CACNA2D1: variants seen among roughly 807,000 people sequenced by gnomAD.
The protein encoded by CACNA2D1 is voltage-dependent calcium channel subunit alpha-2/delta-1.
CACNA2D1 carries 53 observed loss-of-function variants against 171.5 expected under a neutral mutation model. That is an observed-to-expected ratio of 0.31 (90% CI 0.25 to 0.39). The LOEUF (loss-of-function observed/expected upper bound fraction) is 0.39, where lower values mean the gene tolerates loss of function less well. Ranked by LOEUF, CACNA2D1 falls within the 10% of genes least tolerant of loss-of-function variation. CACNA2D1 has a pLI of 1.00. For missense variants in CACNA2D1, 903 were observed against 1,299.8 expected, an observed-to-expected ratio of 0.69 and a Z score of 4.69; for synonymous variants, 442 against 443.1, an observed-to-expected ratio of 1.00 and a Z score of 0.03.
intron 10 of CACNA2D1, 84 bp downstream of exon 10, chr7:82,060,344 A>G: frequency 1.1e-6 from 1 of 882,156 alleles, no homozygotes; most frequent in African/African-American, 1.7e-5. Context: ...AGCCTCTATA[A>G]GATAAAAGTA....
At chr7:81,950,598 T>C (rs1207540575) in intron 38 of CACNA2D1, 90 bp from the exon 39 acceptor site, 8 of 1,496,156 alleles carry the variant, frequency 5.3e-6, no homozygotes, top group Non-Finnish European at 7.1e-6. Flanking sequence ...GAGTAATCCA[T>C]ATTTAGTTCA....
At chr7:82,266,254 G>A (rs1476363603) in intron 3 of CACNA2D1, among the ~76,000 whole-genome samples, 1 of 152,170 alleles carries the variant, frequency 6.6e-6, no homozygotes, top group Admixed American at 6.5e-5. Flanking sequence ...ATTGACAAGT[G>A]CAGGGTGCTA....
At chr7:82,036,247 C>T (rs758658249) in intron 11 of CACNA2D1, among the ~76,000 whole-genome samples, 1 of 152,128 alleles carries the variant, frequency 6.6e-6, no homozygotes, top group Non-Finnish European at 1.5e-5. Context: ...CCTTCCTTAA[C>T]TTAGAACACT....
At chr7:81,956,684 C>A (rs1369955178) in intron 38 of CACNA2D1, among the ~76,000 whole-genome samples, 2 of 152,112 alleles carry the variant, frequency 1.3e-5, no homozygotes, top group Non-Finnish European at 2.9e-5. Context: ...CTCTATCACC[C>A]CTGCCTGTGA....
chr7:82,050,380 A>C, intron 10 of CACNA2D1: 1 of 552,662 alleles, frequency 1.8e-6, no homozygotes, highest in Non-Finnish European at 3.2e-6. Flanking sequence ...ACAGAGGAGC[A>C]GAGTAACATC....
intron 3 of CACNA2D1, among the ~76,000 whole-genome samples, chr7:82,302,061 G>A (rs996260678): frequency 2.0e-5 from 3 of 151,832 alleles, no homozygotes; most frequent in Non-Finnish European, 2.9e-5. Context: ...CCTGGCCTAC[G>A]CTTTTATATT....
intron 4 of CACNA2D1, among the ~76,000 whole-genome samples, chr7:82,162,375 C>T (rs10486948): frequency 0.38 from 57,491 of 151,410 alleles, 11,037 homozygotes; most frequent in Middle Eastern, 0.47. Context: ...TTTTGATTAA[C>T]GAAAGAGAAG....
chr7:82,250,092 G>A (rs564861396), intron 3 of CACNA2D1, among the ~76,000 whole-genome samples: 3 of 152,304 alleles, frequency 2.0e-5, no homozygotes, highest in Non-Finnish European at 4.4e-5. Flanking sequence ...ACCAGTGGCA[G>A]GATTTGTAAT....
chr7:82,047,115 G>C (rs1804646351), intron 10 of CACNA2D1, among the ~76,000 whole-genome samples: 1 of 152,012 alleles, frequency 6.6e-6, no homozygotes, highest in Admixed American at 6.6e-5. Context: ...ACCAACCACT[G>C]TGCACTCCTG....
At chr7:82,288,034 G>T (rs1811047758) in intron 3 of CACNA2D1, among the ~76,000 whole-genome samples, 1 of 149,602 alleles carries the variant, frequency 6.7e-6, no homozygotes, top group Admixed American at 6.6e-5. Flanking sequence ...TAGAGATGGG[G>T]TTTCACTGTG....
intron 12 of CACNA2D1, among the ~76,000 whole-genome samples, chr7:82,031,912 T>C (rs1802745805): frequency 6.6e-6 from 1 of 152,052 alleles, no homozygotes. Flanking sequence ...AGTCTTCTTA[T>C]ATATAAATGT....
chr7:82,340,047 A>C (rs1378506474), intron 2 of CACNA2D1, among the ~76,000 whole-genome samples: 1 of 152,212 alleles, frequency 6.6e-6, no homozygotes, highest in Non-Finnish European at 1.5e-5. Context: ...TTTGAAGACC[A>C]AGGGAAGGAG....
At chr7:82,333,511 G>A (rs1007508467) in intron 3 of CACNA2D1, among the ~76,000 whole-genome samples, 4 of 151,964 alleles carry the variant, frequency 2.6e-5, no homozygotes, top group African/African-American at 9.7e-5. Flanking sequence ...ACATGTGTAA[G>A]GGAATTCCCC....
intron 3 of CACNA2D1, among the ~76,000 whole-genome samples, chr7:82,208,272 CG>C (rs1554462261): frequency 6.6e-6 from 1 of 151,990 alleles, no homozygotes; most frequent in Non-Finnish European, 1.5e-5. Flanking sequence ...TATACATTAA[CG>C]ATAGTACTTA....
chr7:82,271,292 C>CAGTCATTCAATCTGAAGACCTG (rs1336687485), intron 3 of CACNA2D1, among the ~76,000 whole-genome samples: 11 of 152,072 alleles, frequency 7.2e-5, no homozygotes, highest in Non-Finnish European at 2.9e-5. Context: ...ATGATGTACA[C>CAGTCATTCAATCTGAAGACCTG]AGTCATTCAA....
chr7:82,074,296 G>A (rs1022042635), intron 7 of CACNA2D1, among the ~76,000 whole-genome samples: 1 of 152,024 alleles, frequency 6.6e-6, no homozygotes, highest in African/African-American at 2.4e-5. Context: ...GTACGATCTA[G>A]GCTCACTGCA....
At chr7:82,321,665 G>C (rs1815906380) in intron 3 of CACNA2D1, among the ~76,000 whole-genome samples, 1 of 152,066 alleles carries the variant, frequency 6.6e-6, no homozygotes, top group Admixed American at 6.6e-5. Flanking sequence ...AAGTTGTGAG[G>C]AATTGATGAT....
chr7:82,110,978 G>T (rs1425796018), intron 6 of CACNA2D1, among the ~76,000 whole-genome samples: 1 of 151,942 alleles, frequency 6.6e-6, no homozygotes, highest in Non-Finnish European at 1.5e-5. Flanking sequence ...AGAGAATTTT[G>T]ACCATTTAGT....
chr7:82,253,055 G>A (rs1210379181), intron 3 of CACNA2D1, among the ~76,000 whole-genome samples: 1 of 152,138 alleles, frequency 6.6e-6, no homozygotes, highest in Non-Finnish European at 1.5e-5. Flanking sequence ...GGTGTCCAAA[G>A]GTCAGGGCAC....
Sources: allele counts gnomAD v4.1 joint callset (sites outside exome capture counted in the v4.1 genomes callset), GRCh38; gene constraint gnomAD v4.1.1; transcripts MANE v1.5; gene names NCBI Gene and HGNC (gene_info 2026-07-23, HGNC 2026-07-21).